TMEM132D: variants seen among roughly 807,000 people sequenced by gnomAD.
TMEM132D encodes the protein transmembrane protein 132D, also known as mature OL transmembrane protein.
TMEM132D carries 21 observed loss-of-function variants against 62.3 expected under a neutral mutation model. That is an observed-to-expected ratio of 0.34 (90% CI 0.24 to 0.49). The LOEUF (loss-of-function observed/expected upper bound fraction) is 0.49, where lower values mean the gene tolerates loss of function less well. TMEM132D is among the 20% of genes least tolerant of loss of function. TMEM132D has a pLI of 0.99. For missense variants in TMEM132D, 1,346 were observed against 1,402.8 expected, an observed-to-expected ratio of 0.96 and a Z score of 0.65; for synonymous variants, 621 against 575.6, an observed-to-expected ratio of 1.08 and a Z score of -1.13.
At chr12:129,771,095 A>G (rs1870738067) in intron 1 of TMEM132D, among the ~76,000 whole-genome samples, 2 of 152,200 alleles carry the variant, frequency 1.3e-5, no homozygotes, top group Non-Finnish European at 2.9e-5. Context: ...CTCGGGCTCC[A>G]GCTGTGTTCC....
intron 3 of TMEM132D, among the ~76,000 whole-genome samples, chr12:129,508,593 G>A (rs1029846957): frequency 2.4e-4 from 36 of 151,958 alleles, no homozygotes; most frequent in South Asian, 2.1e-4. Flanking sequence ...AAATTTCTTC[G>A]TTTCTTGTCC....
At chr12:129,613,972 C>T (rs1878848485) in intron 2 of TMEM132D, among the ~76,000 whole-genome samples, 1 of 152,054 alleles carries the variant, frequency 6.6e-6, no homozygotes, top group African/African-American at 2.4e-5. Context: ...GGGACTGACT[C>T]CAGAACCCGG....
At chr12:129,157,436 A>T (rs1174577298) in intron 5 of TMEM132D, among the ~76,000 whole-genome samples, 1 of 152,208 alleles carries the variant, frequency 6.6e-6, no homozygotes, top group Non-Finnish European at 1.5e-5. Flanking sequence ...TTTACATTTG[A>T]CATCTGTCCA....
chr12:129,896,257 G>C (rs941686881), intron 1 of TMEM132D, among the ~76,000 whole-genome samples: 6 of 152,010 alleles, frequency 3.9e-5, no homozygotes, highest in African/African-American at 1.2e-4. Context: ...CAAAGAGCTG[G>C]GATTACAGAC....
chr12:129,480,297 A>C (rs550499852), intron 3 of TMEM132D, among the ~76,000 whole-genome samples: 1 of 152,376 alleles, frequency 6.6e-6, no homozygotes, highest in East Asian at 1.9e-4. Context: ...CATACTGTGC[A>C]AACCCCTGTG....
chr12:129,860,376 A>C (rs1396748904), intron 1 of TMEM132D, among the ~76,000 whole-genome samples: 1 of 152,216 alleles, frequency 6.6e-6, no homozygotes, highest in Non-Finnish European at 1.5e-5. Context: ...TTTAGATGTT[A>C]ACTTGGAGTA....
At chr12:129,686,953 T>G (rs1880937152) in intron 2 of TMEM132D, among the ~76,000 whole-genome samples, 1 of 152,222 alleles carries the variant, frequency 6.6e-6, no homozygotes, top group Non-Finnish European at 1.5e-5. Context: ...CTAGCTGTTT[T>G]TCAATCAAAT....
intron 4 of TMEM132D, among the ~76,000 whole-genome samples, chr12:129,335,325 A>G (rs1424083655): frequency 6.6e-6 from 1 of 151,180 alleles, no homozygotes; most frequent in African/African-American, 2.4e-5. Context: ...TTTAGTAGAG[A>G]TGGGGTTTTG....
intron 4 of TMEM132D, among the ~76,000 whole-genome samples, chr12:129,308,990 G>A (rs1185012187): frequency 6.6e-5 from 10 of 152,188 alleles, no homozygotes; most frequent in Non-Finnish European, 1.3e-4. Flanking sequence ...CTGCTCATGT[G>A]AGCAAAACGC....
At chr12:129,431,900 C>G (rs1221142180) in intron 3 of TMEM132D, among the ~76,000 whole-genome samples, 1 of 152,182 alleles carries the variant, frequency 6.6e-6, no homozygotes, top group Non-Finnish European at 1.5e-5. Flanking sequence ...TGCCCCAGGA[C>G]CTTTGCACTT....
chr12:129,285,228 G>A (rs192714632), intron 4 of TMEM132D, among the ~76,000 whole-genome samples: 1 of 152,028 alleles, frequency 6.6e-6, no homozygotes, highest in Non-Finnish European at 1.5e-5. Flanking sequence ...AGATGAGAGA[G>A]AGGCTCTAGG....
intron 1 of TMEM132D, among the ~76,000 whole-genome samples, chr12:129,747,969 T>C (rs1869870644): frequency 6.6e-6 from 1 of 152,212 alleles, no homozygotes; most frequent in Admixed American, 6.5e-5. Flanking sequence ...TATTTGCTTA[T>C]TTATTTGGGC....
intron 3 of TMEM132D, among the ~76,000 whole-genome samples, chr12:129,342,251 G>C (rs561060125): frequency 5.1e-4 from 78 of 152,266 alleles, no homozygotes; most frequent in African/African-American, 1.5e-3. Flanking sequence ...GAACAGAACA[G>C]AGCCCTCAGA....
At chr12:129,580,204 A>C (rs546371547) in intron 2 of TMEM132D, among the ~76,000 whole-genome samples, 1 of 152,296 alleles carries the variant, frequency 6.6e-6, no homozygotes, top group Non-Finnish European at 1.5e-5. Flanking sequence ...CTGGGATGCA[A>C]ACACCTTTTC....
chr12:129,404,513 T>A (rs971815090), intron 3 of TMEM132D, among the ~76,000 whole-genome samples: 2 of 152,134 alleles, frequency 1.3e-5, no homozygotes, highest in African/African-American at 4.8e-5. Context: ...GGGTAATTTA[T>A]AAAGAAAAGA....
intron 4 of TMEM132D, among the ~76,000 whole-genome samples, chr12:129,259,358 G>C (rs975219957): frequency 5.9e-5 from 9 of 152,172 alleles, no homozygotes; most frequent in African/African-American, 1.9e-4. Flanking sequence ...GAGCAAACCT[G>C]GGAGAACTTG....
At chr12:129,571,304 G>C (rs973300599) in intron 2 of TMEM132D, among the ~76,000 whole-genome samples, 2 of 152,138 alleles carry the variant, frequency 1.3e-5, no homozygotes, top group Non-Finnish European at 2.9e-5. Flanking sequence ...GGTGGTTCAC[G>C]CCTATAATCC....
At chr12:129,473,597 C>T (rs1415147638) in intron 3 of TMEM132D, among the ~76,000 whole-genome samples, 1 of 152,112 alleles carries the variant, frequency 6.6e-6, no homozygotes, top group Non-Finnish European at 1.5e-5. Flanking sequence ...TCCCAAAATT[C>T]TGGGATTACA....
At chr12:129,147,283 C>CATGTGCATATGTATATATATACAT (rs1565978405) in intron 5 of TMEM132D, among the ~76,000 whole-genome samples, 25 of 146,602 alleles carry the variant, frequency 1.7e-4, no homozygotes, top group African/African-American at 5.0e-4. Context: ...TATATATATA[C>CATGTGCATATGTATATATATACAT]ATGTGCATAT....
Sources: allele counts gnomAD v4.1 joint callset (sites outside exome capture counted in the v4.1 genomes callset), GRCh38; gene constraint gnomAD v4.1.1; transcripts MANE v1.5; gene names NCBI Gene and HGNC (gene_info 2026-07-23, HGNC 2026-07-21).